The following IQCM variants were observed in gnomAD, a reference collection of about 807,000 sequenced individuals.
The protein encoded by IQCM is IQ motif containing M.
A neutral mutation model predicts 57.6 loss-of-function variants in IQCM; 45 were observed. The ratio of observed to expected loss-of-function variants is 0.78; its 90% CI spans 0.62 to 1.00. The LOEUF is 1.00. Ranked by LOEUF, IQCM falls within the 50% of genes least tolerant of loss-of-function variation. The pLI, the probability that IQCM is intolerant of heterozygous loss-of-function variation, is 0.00. For synonymous variants in IQCM, 148 were observed against 158.9 expected, an observed-to-expected ratio of 0.93 and a Z score of 0.51; for missense variants, 468 against 511.6, an observed-to-expected ratio of 0.91 and a Z score of 0.82.
chr4:149,563,303 A>T (rs1177980960), intron 10 of IQCM, among the ~76,000 whole-genome samples: 1 of 152,212 alleles, frequency 6.6e-6, no homozygotes, highest in Admixed American at 6.5e-5. Context: ...CTTGTTTAAG[A>T]ATAGGTGGTC....
chr4:149,357,923 G>T (rs1004969951), intron 13 of IQCM, among the ~76,000 whole-genome samples: 1 of 152,094 alleles, frequency 6.6e-6, no homozygotes, highest in Admixed American at 6.5e-5. Context: ...CAATTTCAGA[G>T]CCTGTTATTG....
rs936395104 is a variant in IQCM at position 149,643,640 on chromosome 4, T to A, written c.566-22396A>T. 3.9e-5 allele frequency among the ~76,000 whole-genome samples: 6 copies of A among 152,142 alleles called. No homozygotes were observed. The South Asian group carries it at 1.2e-3, about 32-fold the overall frequency. ...TCTATGGCTTAAGTACCGAGCACTG[T>A]TTATCCAAACAGGAGGGTGTAAGTG... On this transcript the variant is annotated intron_variant, in intron 7 of 13. Transcript: ENST00000636793.
intron 7 of IQCM, among the ~76,000 whole-genome samples, chr4:149,644,224 C>A (rs1758447737): frequency 6.6e-6 from 1 of 151,998 alleles, no homozygotes; most frequent in Non-Finnish European, 1.5e-5. Context: ...TAAATATATA[C>A]CTACAGCTTT....
At chr4:149,418,169 G>C (rs952461240) in intron 13 of IQCM, among the ~76,000 whole-genome samples, 1 of 149,010 alleles carries the variant, frequency 6.7e-6, no homozygotes, top group East Asian at 2.0e-4. Flanking sequence ...CCAGGTTATG[G>C]TTTTTTTTTT....
At chr4:149,572,863 G>C (rs531956224) in intron 9 of IQCM, among the ~76,000 whole-genome samples, 11 of 151,958 alleles carry the variant, frequency 7.2e-5, no homozygotes, top group Non-Finnish European at 1.6e-4. Context: ...TCCAGAGAAA[G>C]TTTGGTTCAA....
intron 8 of IQCM, among the ~76,000 whole-genome samples, chr4:149,594,345 C>G (rs1389586395): frequency 2.0e-5 from 3 of 152,228 alleles, no homozygotes; most frequent in Non-Finnish European, 1.5e-5. Context: ...ATTCTTCTCT[C>G]TTTTCTTCTT....
intron 5 of IQCM, among the ~76,000 whole-genome samples, chr4:149,721,955 ATTG>A (rs1021641146): frequency 2.6e-5 from 4 of 151,882 alleles, no homozygotes; most frequent in Non-Finnish European, 5.9e-5. Flanking sequence ...GCCAACATCT[ATTG>A]TTTTTTGACT....
chr4:149,550,102 T>A (rs1271894203), intron 11 of IQCM, among the ~76,000 whole-genome samples: 1 of 152,198 alleles, frequency 6.6e-6, no homozygotes, highest in Non-Finnish European at 1.5e-5. Flanking sequence ...AAGGGCTCCC[T>A]CTGGCTACAG....
At chr4:149,768,071 G>GATGT (rs2149980581) in intron 2 of IQCM, among the ~76,000 whole-genome samples, 1 of 152,156 alleles carries the variant, frequency 6.6e-6, no homozygotes, top group East Asian at 1.9e-4. Context: ...TCACAGCCCT[G>GATGT]ATGTAACTAA....
intron 12 of IQCM, among the ~76,000 whole-genome samples, chr4:149,530,213 A>G (rs2149849241): frequency 6.6e-6 from 1 of 152,210 alleles, no homozygotes; most frequent in Non-Finnish European, 1.5e-5. Context: ...CACTGATTTG[A>G]CATATAAATA....
At position 149,742,372 on chromosome 4, in the gene IQCM, A is replaced by T. The variant is rs763114566; in HGVS notation, c.37+283T>A. On this transcript the variant is annotated intron_variant, in intron 3 of 13. Coordinates refer to ENST00000636793, the MANE Select transcript of IQCM (RefSeq NM_001363507.2). ...TTATCAGTTTTTAAGTTTAAATTAAAATTCATTAAATTTAAATTAAATATT... is the reference window on the plus strand; with the variant it reads ...TTATCAGTTTTTAAGTTTAAATTAATATTCATTAAATTTAAATTAAATATT... Among the ~76,000 whole-genome samples, 24 of 152,152 alleles carry T rather than the reference A, an allele frequency of 1.6e-4. 1 individual carries two copies. The highest frequency in any genetic ancestry group is 2.8e-4 in the Non-Finnish European group (19 of 68,030).
At chr4:149,507,341 G>A (rs941021989) in intron 12 of IQCM, among the ~76,000 whole-genome samples, 6 of 152,218 alleles carry the variant, frequency 3.9e-5, no homozygotes, top group African/African-American at 1.4e-4. Context: ...ACAGTTTGGA[G>A]GGCTCAGAAG....
intron 2 of IQCM, among the ~76,000 whole-genome samples, chr4:149,766,913 T>C (rs1770117886): frequency 2.6e-5 from 4 of 152,108 alleles, no homozygotes. Context: ...GCTACTCTTT[T>C]CACATTAATG....
intron 13 of IQCM, among the ~76,000 whole-genome samples, chr4:149,369,280 G>T (rs1202221756): frequency 1.3e-5 from 2 of 151,516 alleles, no homozygotes; most frequent in African/African-American, 2.4e-5. Flanking sequence ...CTGACTTCAG[G>T]TGATCCTCCT....
At chr4:149,658,313 G>C (rs190139023) in intron 7 of IQCM, among the ~76,000 whole-genome samples, 1 of 152,036 alleles carries the variant, frequency 6.6e-6, no homozygotes, top group African/African-American at 2.4e-5. Context: ...GTTGGCTGTA[G>C]ATGTCAGAAT....
intron 7 of IQCM, among the ~76,000 whole-genome samples, chr4:149,659,177 T>C (rs1234411626): frequency 6.6e-6 from 1 of 152,026 alleles, no homozygotes; most frequent in East Asian, 1.9e-4. Context: ...TTTGTGTCTC[T>C]ATACACCAAT....
At chr4:149,544,004 C>T (rs1044928884) in intron 12 of IQCM, among the ~76,000 whole-genome samples, 2 of 152,006 alleles carry the variant, frequency 1.3e-5, no homozygotes, top group Non-Finnish European at 2.9e-5. Context: ...TAAATTTGCA[C>T]TAAGAATGAA....
At chr4:149,549,223 A>T (rs576097512) in intron 11 of IQCM, among the ~76,000 whole-genome samples, 218 of 152,322 alleles carry the variant, frequency 1.4e-3, no homozygotes, top group African/African-American at 5.1e-3. Flanking sequence ...ATAATGAGCA[A>T]GAAAATTGAT....
chr4:149,721,524 A>G (rs576347936), intron 5 of IQCM, among the ~76,000 whole-genome samples: 56 of 152,258 alleles, frequency 3.7e-4, no homozygotes, highest in Middle Eastern at 6.8e-3. Flanking sequence ...GCTCAGGCTT[A>G]TAAGTGAGAA....
Sources: gnomAD v4.1 joint callset for allele counts (sites outside exome capture counted in the v4.1 genomes callset) on GRCh38, gnomAD v4.1.1 for gene constraint, MANE v1.5 for transcripts, NCBI Gene and HGNC (gene_info 2026-07-23, HGNC 2026-07-21) for gene names.